The following MTERF4 variants were observed in gnomAD, a reference collection of about 807,000 sequenced individuals.
MTERF4 encodes mitochondrial transcription termination factor 4.
MTERF4 carries 17 observed loss-of-function variants against 22.5 expected under a neutral mutation model. The observed-to-expected ratio is 0.75, with a 90% CI of 0.52 to 1.13. The LOEUF is 1.13. Among genes scored for constraint, MTERF4 ranks in the 50% most tolerant of loss-of-function variants. The pLI, the probability that MTERF4 is intolerant of heterozygous loss-of-function variation, is 0.00. For synonymous variants in MTERF4, 165 were observed against 175.3 expected (o/e 0.94, Z 0.47); for missense variants, 420 against 466.8 (o/e 0.90, Z 0.92).
the MTERF4 span, chr2:241,048,395 G>A: frequency 3.7e-6 from 6 of 1,611,688 alleles, no homozygotes; most frequent in African/African-American, 1.3e-5. Flanking sequence ...CCAGGGCTAC[G>A]TGTGCGAGTG....
chr2:241,079,822 C>T (rs1559307309), intron 4 of MTERF4, among the ~76,000 whole-genome samples: 1 of 152,092 alleles, frequency 6.6e-6, no homozygotes, highest in Non-Finnish European at 1.5e-5. Flanking sequence ...TAAAAAGCAT[C>T]GCCAAGGAAT....
downstream of MTERF4, among the ~76,000 whole-genome samples, chr2:241,086,803 C>T (rs1041254674): frequency 5.9e-5 from 9 of 152,346 alleles, no homozygotes; most frequent in South Asian, 2.1e-4. Context: ...AAAGACAAAA[C>T]GCCTTCCCAT....
downstream of MTERF4, chr2:241,071,634 C>A (rs1284556540): frequency 3.2e-6 from 5 of 1,584,834 alleles, no homozygotes; most frequent in Non-Finnish European, 4.3e-6. Context: ...CTCGGGTGCT[C>A]AAGAACAGAC....
chr2:241,078,125 C>T (rs1469810307), intron 4 of MTERF4, among the ~76,000 whole-genome samples: 18 of 152,292 alleles, frequency 1.2e-4, no homozygotes, highest in Admixed American at 1.2e-3. Flanking sequence ...TGGCTCACGC[C>T]TGTAATCCCA....
chr2:241,065,538 C>T, the MTERF4 span: 4 of 1,612,768 alleles, frequency 2.5e-6, no homozygotes, highest in Admixed American at 3.3e-5. Flanking sequence ...CTCAGTGAAG[C>T]GAAACAGTAA....
chr2:241,099,326 C>G, intron 2 of MTERF4, 70 bp downstream of exon 2: 1 of 1,513,998 alleles, frequency 6.6e-7, no homozygotes, highest in Non-Finnish European at 8.9e-7. Flanking sequence ...CTGCCTGCCT[C>G]GGCCTCCCAA....
the MTERF4 span, chr2:241,064,833 TC>T: frequency 1.9e-6 from 3 of 1,570,732 alleles, no homozygotes; most frequent in Middle Eastern, 1.7e-4. This position sits in a 1 kb window ranked among gnomAD's most constrained non-coding sequence, Gnocchi z 7.0. Flanking sequence ...TGCCACTTTT[TC>T]TCCCCTCAGT....
chr2:241,088,070 T>C (rs192691161), downstream of MTERF4: 1,897 of 464,070 alleles, frequency 4.1e-3, 26 homozygotes, highest in African/African-American at 0.033. Context: ...CGTCACCGGC[T>C]CTTCCCTAGG....
the MTERF4 span, chr2:241,063,400 TG>T: frequency 1.6e-6 from 1 of 610,542 alleles, no homozygotes; most frequent in Non-Finnish European, 3.0e-6. Flanking sequence ...CAGCAGGCAG[TG>T]GAGGTGGCAC....
In MTERF4 at chr2:241,095,791, T is replaced by C; in HGVS notation, c.*207A>G. 1.1e-6 allele frequency: 1 copy of C among 877,144 alleles called. No individual in the cohort carries two copies. Among genetic ancestry groups the C allele is most frequent in the Non-Finnish European group, 1.7e-6 (1 of 578,824 alleles). 54.3% of individuals were successfully genotyped at this position (877,144 alleles called of 1,614,324 possible). On this transcript the variant is annotated 3_prime_UTR_variant, in exon 4 of 4. Coordinates refer to ENST00000391980, the MANE Select transcript of MTERF4 (RefSeq NM_182501.4). Reference sequence around the variant, plus strand: ...GGACAGGGCCCTCCCCACAGACACGTGACAACAGATCAAACATGCATTTCC... The same window carrying C: ...GGACAGGGCCCTCCCCACAGACACGCGACAACAGATCAAACATGCATTTCC...
downstream of MTERF4, chr2:241,089,257 TC>T: frequency 6.5e-7 from 1 of 1,531,340 alleles, no homozygotes. Flanking sequence ...GCTTTGCTCT[TC>T]CTGCCCCTTA....
intron 2 of MTERF4, among the ~76,000 whole-genome samples, chr2:241,098,524 T>C (rs2064557158): frequency 6.6e-6 from 1 of 152,170 alleles, no homozygotes; most frequent in African/African-American, 2.4e-5. Flanking sequence ...CAAGGAACTT[T>C]GAGCATCCTT....
intron 4 of MTERF4, among the ~76,000 whole-genome samples, chr2:241,079,113 CAAA>C (rs1274280801): frequency 8.3e-5 from 6 of 72,542 alleles, no homozygotes; most frequent in Admixed American, 1.7e-4. Context: ...GACTCCATCT[CAAA>C]AAAAAAAAAA....
chr2:241,055,179 A>G, the MTERF4 span, among the ~76,000 whole-genome samples: 1 of 152,146 alleles, frequency 6.6e-6, no homozygotes, highest in Non-Finnish European at 1.5e-5. Flanking sequence ...AGCTGAGATA[A>G]TCGGAGCCCA....
intron 4 of MTERF4, chr2:241,081,612 C>A: frequency 8.3e-7 from 1 of 1,200,506 alleles, no homozygotes; most frequent in Non-Finnish European, 1.2e-6. Flanking sequence ...GGGACAGCAA[C>A]ATGTCCATGA....
chr2:241,043,843 C>T, the MTERF4 span, among the ~76,000 whole-genome samples: 27 of 152,158 alleles, frequency 1.8e-4, no homozygotes, highest in African/African-American at 6.0e-4. Context: ...ATAGGTATGG[C>T]TGTGTTCCAA....
Position 241,095,769 on chromosome 2 carries a change from C to T in MTERF4, c.*229G>A, listed in dbSNP as rs1025638610. ...CATAAGTATCTTATTCAGGATGGGA[C>T]AGGGCCCTCCCCACAGACACGTGAC... On this transcript the variant is annotated 3_prime_UTR_variant, in exon 4 of 4. Coordinates refer to ENST00000391980, the MANE Select transcript of MTERF4 (RefSeq NM_182501.4). 2 of 675,642 alleles carry T rather than the reference C, an allele frequency of 3.0e-6. No homozygotes were observed. The highest frequency in any genetic ancestry group is 3.6e-5 in the African/African-American group (2 of 55,340). 41.9% of individuals were successfully genotyped at this position (675,642 alleles called of 1,614,324 possible). A position where few individuals can be genotyped will look rare whatever the true frequency, so the allele number is the denominator to read the frequency against.
chr2:241,082,144 C>T (rs2063358412), downstream of MTERF4: 5 of 699,990 alleles, frequency 7.1e-6, no homozygotes, highest in Non-Finnish European at 1.2e-5. Flanking sequence ...CCCCCGGGCC[C>T]TCTCCCACCA....
At chr2:241,071,950 G>A, downstream of MTERF4, 1 of 1,260,978 alleles carries the variant, frequency 7.9e-7, no homozygotes, top group Non-Finnish European at 1.1e-6. Flanking sequence ...ACCAGGTCCT[G>A]TCCCCTACAT....
Sources: gnomAD v4.1 joint callset for allele counts (sites outside exome capture counted in the v4.1 genomes callset) on GRCh38, gnomAD v4.1.1 for gene constraint, Gnocchi (gnomAD v3.1) non-coding constraint, MANE v1.5 for transcripts, NCBI Gene and HGNC (gene_info 2026-07-23, HGNC 2026-07-21) for gene names.